Variants in TBL1XR1 observed in about 807,000 individuals in gnomAD.
The protein encoded by TBL1XR1 is F-box-like/WD repeat-containing protein TBL1XR1.
TBL1XR1 carries 5 observed loss-of-function variants against 66.9 expected under a neutral mutation model. That is an observed-to-expected ratio of 0.07 (90% CI 0.04 to 0.16). The LOEUF is 0.16. Among genes scored for constraint, TBL1XR1 ranks in the 10% least tolerant of loss-of-function variants. The probability of loss-of-function intolerance (pLI) is 1.00; values close to 1 mark genes in which losing one functional copy is unlikely to be tolerated. For missense variants in TBL1XR1, 238 were observed against 623.2 expected (o/e 0.38, Z 6.58); for synonymous variants, 210 against 206.0 (o/e 1.02, Z -0.17).
At position 177,034,236 on chromosome 3, in the gene TBL1XR1, T is replaced by C. The variant is rs564692974; in HGVS notation, c.1212A>G (p.Pro404=). The change falls in exon 13 of 16, where the codon CCA becomes CCG. Residue 404 remains proline (P), a synonymous_variant. Coordinates refer to ENST00000457928, the MANE Select transcript of TBL1XR1 (RefSeq NM_024665.7). ...IYTIKWSPTG[P]GTNNPNANLM... is the part of the protein sequence containing the mutation. ...GGTTGGCATTTGGATTATTAGTCCCTGGTCCTGTTGGACTCCATTTGATAG... is the reference window on the plus strand; with the variant it reads ...GGTTGGCATTTGGATTATTAGTCCCCGGTCCTGTTGGACTCCATTTGATAG... 1 of 1,600,928 alleles carries C rather than the reference T, an allele frequency of 6.2e-7. No individual in the cohort carries two copies. Among genetic ancestry groups the C allele is most frequent in the African/African-American group, 1.3e-5 (1 of 74,222 alleles).
chr3:177,097,497 G>A (rs1723645980), intron 2 of TBL1XR1, among the ~76,000 whole-genome samples: 1 of 152,062 alleles, frequency 6.6e-6, no homozygotes, highest in Admixed American at 6.5e-5. Flanking sequence ...ACTGCCAAAA[G>A]TCAAAGATTC....
At chr3:177,151,357 G>A (rs1373042787) in intron 1 of TBL1XR1, among the ~76,000 whole-genome samples, 1 of 152,198 alleles carries the variant, frequency 6.6e-6, no homozygotes, top group Non-Finnish European at 1.5e-5. Context: ...CCAACCCCCG[G>A]CTGCAGCTGT....
At position 177,023,382 on chromosome 3, in the gene TBL1XR1, C is replaced by G. The variant is rs1217521448; in HGVS notation, c.*2116G>C. ...AGAGGTCAACCACAGATGTGGACCT[C>G]CAGCAATAAAAGCAGGAATTCAAGT... On this transcript the variant is annotated 3_prime_UTR_variant, in exon 16 of 16. Transcript: ENST00000457928. The G allele has an allele frequency of 6.6e-6, 1 of 152,270 alleles. No homozygotes were observed. The highest frequency in any genetic ancestry group is 1.9e-4 in the East Asian group (1 of 5,190). 9.4% of individuals were successfully genotyped at this position (152,270 alleles called of 1,614,324 possible).
chr3:177,106,392 T>C (rs1294181342), intron 1 of TBL1XR1, among the ~76,000 whole-genome samples: 2 of 152,214 alleles, frequency 1.3e-5, no homozygotes, highest in African/African-American at 2.4e-5. Flanking sequence ...GTGCGCCCCA[T>C]CCCTTTCTAA....
intron 1 of TBL1XR1, among the ~76,000 whole-genome samples, chr3:177,174,844 T>C (rs915354057): frequency 1.6e-4 from 24 of 152,302 alleles, no homozygotes; most frequent in Admixed American, 1.3e-4. Context: ...AACATAATCC[T>C]GCCGTTCCGT....
At chr3:177,089,371 T>A (rs745415077) in intron 2 of TBL1XR1, among the ~76,000 whole-genome samples, 1 of 152,140 alleles carries the variant, frequency 6.6e-6, no homozygotes, top group African/African-American at 2.4e-5. Flanking sequence ...AAAGCCTAAC[T>A]GCCTAACTCC....
intron 2 of TBL1XR1, among the ~76,000 whole-genome samples, chr3:177,087,635 T>C (rs923074148): frequency 8.6e-5 from 13 of 152,024 alleles, no homozygotes; most frequent in African/African-American, 3.1e-4. Context: ...TGTATGAAAC[T>C]AGAAGTTCCT....
At chr3:177,152,914 G>C (rs774042491) in intron 1 of TBL1XR1, among the ~76,000 whole-genome samples, 15 of 152,104 alleles carry the variant, frequency 9.9e-5, no homozygotes, top group Non-Finnish European at 1.8e-4. Context: ...CACACTGTTT[G>C]TGGATCACTT....
intron 1 of TBL1XR1, among the ~76,000 whole-genome samples, chr3:177,181,245 C>T (rs998133331): frequency 5.3e-5 from 8 of 152,002 alleles, no homozygotes; most frequent in African/African-American, 1.7e-4. Flanking sequence ...TCTGGGAGGC[C>T]ACGGTGGGTG....
At chr3:177,070,643 G>A (rs1164101227) in intron 2 of TBL1XR1, among the ~76,000 whole-genome samples, 1 of 152,142 alleles carries the variant, frequency 6.6e-6, no homozygotes, top group African/African-American at 2.4e-5. Context: ...GAGGTCAGGA[G>A]TTCAGGGCCA....
Position 177,054,635 on chromosome 3 carries a change from A to C in TBL1XR1, c.59-717T>G, listed in dbSNP as rs571760413. 1.2e-4 allele frequency among the ~76,000 whole-genome samples: 19 copies of C among 152,312 alleles called. No homozygotes were observed. In the South Asian group the frequency reaches 3.9e-3, roughly 32 times the overall value. On this transcript the variant is annotated intron_variant, in intron 3 of 15. Coordinates refer to ENST00000457928, the MANE Select transcript of TBL1XR1 (RefSeq NM_024665.7). ...TGGAGCTCTTTGGAACTACTTAGGA[A>C]AACTAAAATAATAAAAATAAATTCA...
At chr3:177,179,665 T>C (rs1271445337) in intron 1 of TBL1XR1, among the ~76,000 whole-genome samples, 1 of 152,174 alleles carries the variant, frequency 6.6e-6, no homozygotes, top group East Asian at 1.9e-4. Context: ...GACCTTTAAA[T>C]TCTACCATGT....
intron 1 of TBL1XR1, among the ~76,000 whole-genome samples, chr3:177,106,680 A>T (rs1040533350): frequency 1.3e-5 from 2 of 152,186 alleles, no homozygotes; most frequent in African/African-American, 4.8e-5. Flanking sequence ...ATAAGACATA[A>T]TGCATATTAA....
At chr3:177,108,712 T>A (rs6783307) in intron 1 of TBL1XR1, among the ~76,000 whole-genome samples, 2,855 of 152,208 alleles carry the variant, frequency 0.019, 90 homozygotes, top group African/African-American at 0.065. Flanking sequence ...AGCAAAAAAA[T>A]TGTTTGAATT....
At chr3:177,050,265 AT>A in intron 6 of TBL1XR1, 127 bp from the exon 7 acceptor site, 1 of 1,343,908 alleles carries the variant, frequency 7.4e-7, no homozygotes, top group Non-Finnish European at 1.0e-6. Flanking sequence ...CATTTCCAGT[AT>A]TTTTCCCATT....
chr3:177,084,354 C>G (rs1440247871), intron 2 of TBL1XR1, among the ~76,000 whole-genome samples: 2 of 152,182 alleles, frequency 1.3e-5, no homozygotes, highest in Non-Finnish European at 2.9e-5. Flanking sequence ...TGTCCCACCC[C>G]ACATGCACAA....
At chr3:177,148,663 C>T (rs1377879259) in intron 1 of TBL1XR1, among the ~76,000 whole-genome samples, 5 of 150,514 alleles carry the variant, frequency 3.3e-5, no homozygotes, top group Admixed American at 1.3e-4. Context: ...TGCAGTGAGC[C>T]GAGATCACAC....
At chr3:177,079,079 T>C (rs1401414474) in intron 2 of TBL1XR1, among the ~76,000 whole-genome samples, 2 of 152,066 alleles carry the variant, frequency 1.3e-5, no homozygotes, top group Non-Finnish European at 2.9e-5. Context: ...CATAGGCTAT[T>C]TTAATGGCAG....
chr3:177,108,381 G>A (rs531449225), intron 1 of TBL1XR1, among the ~76,000 whole-genome samples: 18 of 152,178 alleles, frequency 1.2e-4, no homozygotes, highest in African/African-American at 3.9e-4. Flanking sequence ...AAGACAGTGG[G>A]GGTAAGAATG....
Sources: gnomAD v4.1 joint callset for allele counts (sites outside exome capture counted in the v4.1 genomes callset) on GRCh38, gnomAD v4.1.1 for gene constraint, MANE v1.5 for transcripts, NCBI Gene and HGNC (gene_info 2026-07-23, HGNC 2026-07-21) for gene names.